Variants in C11orf65 observed in about 807,000 individuals in gnomAD.
C11orf65 encodes protein MFI.
In C11orf65, 38 loss-of-function variants were observed where a neutral mutation model predicts 35.3. The observed-to-expected ratio is 1.08, with a 90% CI of 0.83 to 1.41. C11orf65 has a LOEUF of 1.41. Ranked by LOEUF, C11orf65 falls within the 40% of genes most tolerant of loss-of-function variation. The pLI is 0.00. For missense variants in C11orf65, 370 were observed against 367.1 expected (o/e 1.01, Z -0.06); for synonymous variants, 105 against 114.4 (o/e 0.92, Z 0.53).
chr11:108,427,135 A>C (rs1468090869), intron 3 of C11orf65, among the ~76,000 whole-genome samples: 2 of 152,176 alleles, frequency 1.3e-5, no homozygotes, highest in Admixed American at 6.5e-5. Flanking sequence ...ATGGGCAAAG[A>C]CTTCATGATT....
At chr11:108,468,135 C>G (rs1349056328), upstream of C11orf65, among the ~76,000 whole-genome samples, 15 of 152,136 alleles carry the variant, frequency 9.9e-5, no homozygotes, top group Admixed American at 9.8e-4. Context: ...CGTGAACCAC[C>G]GCGCCCGGCC....
rs1389602914 is a variant in C11orf65, at chr11:108,360,013, T to G, written c.227-24721A>C. Among the ~76,000 whole-genome samples, 184 of 151,858 alleles carry G rather than the reference T, an allele frequency of 1.2e-3. 1 individual carries two copies. Among genetic ancestry groups the G allele is most frequent in the Non-Finnish European group, 8.7e-4 (59 of 67,872 alleles). On this transcript the variant is annotated intron_variant, in intron 2 of 3. Transcript: ENST00000524755. The stretch of plus-strand genomic sequence containing the variant: ...AAAAATTAATGAATCCAGGAGCTGG[T>G]TTTTTGAAAGGATCAACAAAATTGA...
At chr11:108,445,018 G>T (rs919574597) in intron 2 of C11orf65, among the ~76,000 whole-genome samples, 1 of 152,210 alleles carries the variant, frequency 6.6e-6, no homozygotes, top group East Asian at 1.9e-4. Context: ...TAGCACAGCA[G>T]TCTGAGATCA....
intron 6 of C11orf65, among the ~76,000 whole-genome samples, chr11:108,403,872 G>A (rs1208456023): frequency 2.6e-5 from 4 of 151,954 alleles, no homozygotes; most frequent in South Asian, 2.1e-4. Flanking sequence ...TGGATAGTGC[G>A]AGGATAGCAG....
chr11:108,359,125 A>C (rs1333846371), intron 2 of C11orf65, among the ~76,000 whole-genome samples: 1 of 150,428 alleles, frequency 6.6e-6, no homozygotes, highest in Admixed American at 6.6e-5. Context: ...TGGAAAACAA[A>C]AAAAGGCAGG....
upstream of C11orf65, among the ~76,000 whole-genome samples, chr11:108,468,629 T>C (rs1043889383): frequency 2.6e-5 from 4 of 152,222 alleles, no homozygotes; most frequent in African/African-American, 9.6e-5. Context: ...AGTGACTCAC[T>C]GAACTTCCAG....
At chr11:108,430,480 A>G (rs183456491) in intron 3 of C11orf65, among the ~76,000 whole-genome samples, 18 of 152,008 alleles carry the variant, frequency 1.2e-4, no homozygotes, top group African/African-American at 4.3e-4. Flanking sequence ...TAAATTTTAT[A>G]TTATGCGTAC....
intron 2 of C11orf65, among the ~76,000 whole-genome samples, chr11:108,357,667 A>C (rs2090169240): frequency 6.6e-6 from 1 of 151,724 alleles, no homozygotes; most frequent in Non-Finnish European, 1.5e-5. Flanking sequence ...ACTGGGAGGC[A>C]CCCCCCAGCA....
At chr11:108,330,242 G>A (rs730881318), downstream of C11orf65, 1 of 1,614,066 alleles carries the variant, frequency 6.2e-7, no homozygotes, top group African/African-American at 1.3e-5. Flanking sequence ...GCGAGAGCTG[G>A]AGTTGGATGA....
chr11:108,340,921 GTAT>G (rs1290023604), intron 2 of C11orf65, among the ~76,000 whole-genome samples: 1 of 151,986 alleles, frequency 6.6e-6, no homozygotes, highest in African/African-American at 2.4e-5. Flanking sequence ...ATTTTTTATT[GTAT>G]TGTTTTTATT....
intron 3 of C11orf65, 145 bp downstream of exon 3, chr11:108,431,601 T>G (rs2092990773): frequency 2.4e-6 from 1 of 408,312 alleles, no homozygotes; most frequent in Admixed American, 4.3e-5. Context: ...GAGCTATATA[T>G]GTTTTATGAA....
At chr11:108,376,249 A>G (rs2091722647) in intron 2 of C11orf65, among the ~76,000 whole-genome samples, 1 of 152,092 alleles carries the variant, frequency 6.6e-6, no homozygotes, top group South Asian at 2.1e-4. Flanking sequence ...CTCCTCAGCA[A>G]ATGTAAAAGA....
At chr11:108,398,779 G>A (rs1478411706) in intron 6 of C11orf65, among the ~76,000 whole-genome samples, 1 of 152,228 alleles carries the variant, frequency 6.6e-6, no homozygotes, top group Non-Finnish European at 1.5e-5. Flanking sequence ...TCCCCTATTA[G>A]AGGCAATGTT....
intron 6 of C11orf65, among the ~76,000 whole-genome samples, chr11:108,320,749 G>A (rs1041742330): frequency 3.3e-5 from 5 of 152,142 alleles, no homozygotes; most frequent in African/African-American, 7.2e-5. Context: ...GGTTAGGAGT[G>A]CTGAGCCCCT....
intron 6 of C11orf65, among the ~76,000 whole-genome samples, chr11:108,405,050 T>C (rs930026578): frequency 1.3e-5 from 2 of 152,216 alleles, no homozygotes; most frequent in African/African-American, 4.8e-5. Flanking sequence ...AGTTAGCTTG[T>C]TTACTCATGC....
At chr11:108,329,773 G>T (rs1364150913), downstream of C11orf65, among the ~76,000 whole-genome samples, 1 of 152,188 alleles carries the variant, frequency 6.6e-6, no homozygotes, top group Non-Finnish European at 1.5e-5. Context: ...GTTCTTTTGT[G>T]AATAATTCAT....
intron 6 of C11orf65, among the ~76,000 whole-genome samples, chr11:108,313,709 C>G (rs577906927): frequency 1.3e-5 from 2 of 152,244 alleles, no homozygotes; most frequent in South Asian, 4.1e-4. Flanking sequence ...CTTTTCTACT[C>G]TGAGGACTTG....
chr11:108,321,158 A>C, intron 6 of C11orf65: 1 of 1,102,274 alleles, frequency 9.1e-7, no homozygotes, highest in African/African-American at 1.6e-5. Context: ...TTCCACTGCT[A>C]TTTTGTATTC....
chr11:108,416,396 G>A (rs952533539), intron 3 of C11orf65, among the ~76,000 whole-genome samples: 4 of 152,114 alleles, frequency 2.6e-5, no homozygotes, highest in South Asian at 4.1e-4. Flanking sequence ...AAACAACAAT[G>A]AGGGCCCGGG....
Sources: gnomAD v4.1 joint callset for allele counts (sites outside exome capture counted in the v4.1 genomes callset) on GRCh38, gnomAD v4.1.1 for gene constraint, MANE v1.5 for transcripts, NCBI Gene and HGNC (gene_info 2026-07-23, HGNC 2026-07-21) for gene names.